The following PGM1 variants were observed in gnomAD, a reference collection of about 807,000 sequenced individuals.
The protein encoded by PGM1 is phosphoglucomutase 1.
In PGM1, 52 loss-of-function variants were observed where a neutral mutation model predicts 55.6. That is an observed-to-expected ratio of 0.94 (90% CI 0.75 to 1.18). The LOEUF is 1.18. Ranked by LOEUF, PGM1 falls within the 50% of genes most tolerant of loss-of-function variation. PGM1 has a pLI of 0.00. For synonymous variants in PGM1, 287 were observed against 271.7 expected, an observed-to-expected ratio of 1.06 and a Z score of -0.55; for missense variants, 724 against 729.3, an observed-to-expected ratio of 0.99 and a Z score of 0.08.
At chr1:63,610,996 C>G (rs1025858192) in intron 1 of PGM1, among the ~76,000 whole-genome samples, 2 of 152,196 alleles carry the variant, frequency 1.3e-5, no homozygotes, top group African/African-American at 4.8e-5. Flanking sequence ...GGTCCACTTG[C>G]TCCAGAAATC....
intron 6 of PGM1, among the ~76,000 whole-genome samples, chr1:63,636,713 C>T (rs904481313): frequency 1.3e-5 from 2 of 152,160 alleles, no homozygotes; most frequent in South Asian, 4.1e-4. Context: ...CTCTGCCTGA[C>T]CATAGCGTGC....
At chr1:63,651,615 C>T (rs546908974) in intron 8 of PGM1, 54 bp from the exon 9 acceptor site, 354 of 1,515,108 alleles carry the variant, frequency 2.3e-4, no homozygotes, top group Middle Eastern at 1.3e-3. Flanking sequence ...GACTGATAGG[C>T]CTTGGTGTGA....
At chr1:63,627,911 C>T (rs544305947) in intron 1 of PGM1, among the ~76,000 whole-genome samples, 2 of 152,082 alleles carry the variant, frequency 1.3e-5, no homozygotes, top group South Asian at 2.1e-4. Flanking sequence ...TGAGTCAGGA[C>T]GTTTCAATAC....
intron 1 of PGM1, among the ~76,000 whole-genome samples, chr1:63,611,856 A>G (rs1648575599): frequency 6.6e-6 from 1 of 151,614 alleles, no homozygotes; most frequent in Admixed American, 6.6e-5. Context: ...GTGAGCCGAG[A>G]TTGCACCACT....
intron 1 of PGM1, among the ~76,000 whole-genome samples, chr1:63,603,401 CT>C (rs1205369344): frequency 1.3e-5 from 2 of 152,180 alleles, no homozygotes; most frequent in African/African-American, 4.8e-5. Context: ...GGAGATCTTG[CT>C]ATGTAAGTCA....
In PGM1 at chr1:63,654,318, C is replaced by T; in HGVS notation, c.1465-14C>T. ...CAGCATTTGGGGAAAAAAATCTCTG[C>T]TTATCTTTTCCAGGGCTTGCGCCTC... On this transcript the variant is annotated splice_polypyrimidine_tract_variant and intron_variant, in intron 9 of 10. Coordinates refer to ENST00000371084, the MANE Select transcript of PGM1 (RefSeq NM_002633.3). 1.2e-6 allele frequency: 2 copies of T among 1,613,502 alleles called. No homozygotes were observed. Among genetic ancestry groups the T allele is most frequent in the South Asian group, 2.2e-5 (2 of 91,006 alleles).
At chr1:63,633,817 G>A (rs1162164781) in intron 4 of PGM1, among the ~76,000 whole-genome samples, 5 of 148,394 alleles carry the variant, frequency 3.4e-5, no homozygotes, top group Non-Finnish European at 5.9e-5. Flanking sequence ...ACAGGCGCCC[G>A]CCACCAGGCC....
chr1:63,609,975 T>C (rs1403312123), intron 1 of PGM1, among the ~76,000 whole-genome samples: 1 of 152,232 alleles, frequency 6.6e-6, no homozygotes, highest in Non-Finnish European at 1.5e-5. Context: ...ACTTGGTGGC[T>C]ACCTAATTTT....
chr1:63,637,624 A>G (rs1201630789), intron 6 of PGM1, among the ~76,000 whole-genome samples: 1 of 152,192 alleles, frequency 6.6e-6, no homozygotes. Context: ...TCACCACCAA[A>G]TTAGAGCTAG....
chr1:63,639,575 A>G lies in PGM1; in HGVS notation c.1144+775A>G, dbSNP rs368425105. Reference sequence around the variant, plus strand: ...GGTGTGTGGCCCTGTCCCATGTATCAGTCTCCGGCCAGGTTATAAGGTAGT... The same window carrying G: ...GGTGTGTGGCCCTGTCCCATGTATCGGTCTCCGGCCAGGTTATAAGGTAGT... On this transcript the variant is annotated intron_variant, in intron 7 of 10. Transcript: ENST00000371084. Among the ~76,000 whole-genome samples the G allele has an allele frequency of 2.0e-5, 3 of 152,136 alleles. No homozygotes were observed. The East Asian group carries it at 5.8e-4, about 30-fold the overall frequency.
At chr1:63,599,484 T>C (rs1648173190) in intron 1 of PGM1, among the ~76,000 whole-genome samples, 1 of 138,494 alleles carries the variant, frequency 7.2e-6, no homozygotes, top group Non-Finnish European at 1.5e-5. Context: ...TTTAACATGC[T>C]GTAACCCCCA....
intron 1 of PGM1, among the ~76,000 whole-genome samples, chr1:63,604,732 C>A (rs1648363001): frequency 6.6e-6 from 1 of 152,146 alleles, no homozygotes; most frequent in African/African-American, 2.4e-5. Context: ...TGAAACACAG[C>A]ACTCCTTTCC....
At position 63,621,621 on chromosome 1, in the gene PGM1, T is replaced by C. The variant is rs554841910; in HGVS notation, c.247-7804T>C. On this transcript the variant is annotated intron_variant, in intron 1 of 10. Coordinates refer to ENST00000371084, the MANE Select transcript of PGM1 (RefSeq NM_002633.3). ...TGAAAAACAGTGGTTATGTAAACTG[T>C]TAATAAAGCATGCTTGCTTTTTCAA... Among the ~76,000 whole-genome samples, 5 of 152,332 alleles carry C rather than the reference T, an allele frequency of 3.3e-5. No homozygotes were observed. In the East Asian group the frequency reaches 9.6e-4, roughly 29 times the overall value.
intron 6 of PGM1, among the ~76,000 whole-genome samples, chr1:63,637,907 T>C (rs529171304): frequency 6.6e-6 from 1 of 152,332 alleles, no homozygotes; most frequent in South Asian, 2.1e-4. Context: ...AAAGCTGACA[T>C]TGCTTTCCTG....
rs559387496 is a variant in PGM1 at position 63,594,259 on chromosome 1, G to T, written c.246+525G>T. On this transcript the variant is annotated intron_variant, in intron 1 of 10. Transcript: ENST00000371084. ...CGGAGCCCGACACTGTGGGGCAAGG[G>T]TGGCGAGAGCACCCATCCCCCTGGG... The T allele has an allele frequency of 5.9e-5, 26 of 440,834 alleles. No homozygotes were observed. In the South Asian group the frequency reaches 2.1e-3, roughly 36 times the overall value. 27.3% of individuals were successfully genotyped at this position (440,834 alleles called of 1,614,324 possible).
At chr1:63,597,436 CG>C (rs1462590182) in intron 1 of PGM1, among the ~76,000 whole-genome samples, 2 of 152,102 alleles carry the variant, frequency 1.3e-5, no homozygotes, top group Non-Finnish European at 2.9e-5. Flanking sequence ...GGAAACTGTT[CG>C]AATGATAGGT....
chr1:63,654,290 T>G lies in PGM1; in HGVS notation c.1465-42T>G, dbSNP rs145847688. The stretch of plus-strand genomic sequence containing the variant: ...CCTCATAATTTGCCAGCCTTCAGTC[T>G]CCCAGCATTTGGGGAAAAAAATCTC... On this transcript the variant is annotated intron_variant, in intron 9 of 10. Transcript: ENST00000371084. The G allele has an allele frequency of 1.1e-4, 182 of 1,609,608 alleles. No homozygotes were observed. The African/African-American group carries it at 2.3e-3, about 20-fold the overall frequency.
At chr1:63,655,205 C>T (rs1248083624) in intron 10 of PGM1, among the ~76,000 whole-genome samples, 1 of 150,686 alleles carries the variant, frequency 6.6e-6, no homozygotes, top group Non-Finnish European at 1.5e-5. Flanking sequence ...GTCTTGAATT[C>T]CTAGCCTCAA....
rs754014292 is a variant in PGM1, at chr1:63,651,824, C to T, written c.1436C>T (p.Pro479Leu). ...EKADNFEYSDPVDGSISRNQG... is the reference protein window; with the variant it reads ...EKADNFEYSDLVDGSISRNQG... ...GCCGATAACTTTGAATACAGCGACC[C>T]AGTGGATGGAAGCATTTCAAGAAAT... Residue 479 changes from proline (P) to leucine (L), a missense_variant, in exon 9 of 11, where the codon CCA (proline) becomes CTA (leucine). By Grantham distance (98) the Pro-to-Leu change is moderately conservative (BLOSUM62 -3). Around this residue, in one of 3 missense-constraint regions of PGM1, gnomAD observed 316 missense variants for 313.1 expected, o/e 1.01. Transcript: ENST00000371084. 6.2e-7 allele frequency: 1 copy of T among 1,614,006 alleles called. No individual in the cohort carries two copies. Among genetic ancestry groups the T allele is most frequent in the Non-Finnish European group, 8.5e-7 (1 of 1,179,942 alleles).
Sources: allele counts gnomAD v4.1 joint callset (sites outside exome capture counted in the v4.1 genomes callset), GRCh38; gene constraint gnomAD v4.1.1; regional missense constraint gnomAD v4.1.1; transcripts MANE v1.5; gene names NCBI Gene and HGNC (gene_info 2026-07-23, HGNC 2026-07-21).